Variants in ZNF646 observed in about 807,000 individuals in gnomAD.
ZNF646 encodes the protein zinc finger protein 646.
ZNF646 carries 49 observed loss-of-function variants against 115.4 expected under a neutral mutation model. The ratio of observed to expected loss-of-function variants is 0.42; its 90% CI spans 0.34 to 0.54. The LOEUF (loss-of-function observed/expected upper bound fraction) is 0.54, where lower values mean the gene tolerates loss of function less well. ZNF646 is among the 20% of genes least tolerant of loss of function. ZNF646 has a pLI of 0.04. For synonymous variants in ZNF646, 933 were observed against 939.0 expected (o/e 0.99, Z 0.12); for missense variants, 2,269 against 2,457.9 (o/e 0.92, Z 1.62).
Position 31,079,161 on chromosome 16 carries a change from G to A in ZNF646, c.2837G>A (p.Arg946Gln), listed in dbSNP as rs151285758. Residue 946 changes from arginine to glutamine, a missense_variant, in exon 2 of 3, where the codon CGG (arginine) becomes CAG (glutamine). Physicochemically the swap from Arg to Gln is conservative, Grantham distance 43. Around this residue, in one of 5 missense-constraint regions of ZNF646, gnomAD observed 852 missense variants for 900.2 expected, o/e 0.95. Transcript: ENST00000300850. This position sits in a 1 kb window ranked among gnomAD's most constrained non-coding sequence, Gnocchi z 5.5. ...SEAELLNQLQ[R>Q]EVEALDSAGY... is the part of the protein sequence containing the mutation. ...GCAGAGCTGCTGAATCAGCTGCAGC[G>A]GGAGGTGGAAGCGCTGGACAGTGCA... 69 of 1,610,130 alleles carry A rather than the reference G, an allele frequency of 4.3e-5. No homozygotes were observed. Among genetic ancestry groups the A allele is most frequent in the Non-Finnish European group, 5.1e-5 (60 of 1,177,724 alleles).
Position 31,079,573 on chromosome 16 carries a change from C to G in ZNF646, c.3249C>G (p.Val1083=). 6.2e-7 allele frequency: 1 copy of G among 1,613,396 alleles called. No individual in the cohort carries two copies. Among genetic ancestry groups the G allele is most frequent in the Non-Finnish European group, 8.5e-7 (1 of 1,180,030 alleles). The change falls in exon 2 of 3, where the codon GTC becomes GTG. Residue 1083 remains valine, a synonymous_variant. Coordinates refer to ENST00000300850, the MANE Select transcript of ZNF646 (RefSeq NM_014699.4). The surrounding 1 kb of genome is among the most constrained non-coding windows in gnomAD (Gnocchi z 5.5). ...AGACTGGAGACTTTCTCTGCCCTGT[C>G]TGCTCCCGCTGCTACCCCAACCTGG... is the stretch of plus-strand genomic sequence containing the variant. The part of the protein sequence containing the change: ...IHQTGDFLCP[V]CSRCYPNLAA...
At chr16:31,074,303 G>A (rs966122959), upstream of ZNF646, 1 of 152,450 alleles carries the variant, frequency 6.6e-6, no homozygotes, top group Non-Finnish European at 1.5e-5. Context: ...TGCAGACCTA[G>A]AACTTAGCGC....
rs1437660273 is a variant in ZNF646, at chr16:31,083,024, C to A, written c.5431C>A (p.Pro1811Thr). The A allele has an allele frequency of 1.9e-6, 3 of 1,598,870 alleles. No homozygotes were observed. The highest frequency in any genetic ancestry group is 2.6e-6 in the Non-Finnish European group (3 of 1,174,870). Reference sequence around the variant, plus strand: ...AGGGGACTTGCCATTGCCCCCTCCACCCACCCCCACGACCCCACTCCTGGA... The same window carrying A: ...AGGGGACTTGCCATTGCCCCCTCCAACCACCCCCACGACCCCACTCCTGGA... Reference protein sequence around the residue: ...GRGDLPLPPPPTPTTPLLDPS... With the variant: ...GRGDLPLPPPTTPTTPLLDPS... Residue 1811 changes from proline to threonine, a missense_variant, in exon 3 of 3, where the codon CCC (proline) becomes ACC (threonine). Pro to Thr is a conservative substitution (Grantham distance 38, BLOSUM62 -1). Around this residue, in one of 5 missense-constraint regions of ZNF646, gnomAD observed 1,062 missense variants for 1,172.8 expected, o/e 0.91. Transcript: ENST00000300850.
rs1210372265 is a variant in ZNF646, at chr16:31,083,620, A to C, written c.*528A>C. 3.3e-6 allele frequency: 5 copies of C among 1,503,506 alleles called. No individual in the cohort carries two copies. The East Asian group carries it at 9.9e-5, about 30-fold the overall frequency. 93.1% of individuals were successfully genotyped at this position (1,503,506 alleles called of 1,614,324 possible). A position where few individuals can be genotyped will look rare whatever the true frequency, so the allele number is the denominator to read the frequency against. ...GTGTCCACAGACACCCCTGTCCTGC[A>C]GGGTGGGGAGTGGGCACCTGTGGCC... is the stretch of plus-strand genomic sequence containing the variant. On this transcript the variant is annotated 3_prime_UTR_variant, in exon 3 of 3. Coordinates refer to ENST00000300850, the MANE Select transcript of ZNF646 (RefSeq NM_014699.4).
At position 31,078,394 on chromosome 16, in the gene ZNF646, G is replaced by T; in HGVS notation, c.2070G>T (p.Leu690=). Residue 690 remains leucine (L), a synonymous_variant, in exon 2 of 3, where the codon CTG becomes CTT. Coordinates refer to ENST00000300850, the MANE Select transcript of ZNF646 (RefSeq NM_014699.4). ...GCGGTGGGAGAGAAGCCAAACTCCT[G>T]GCAGCGGAGAGCTGGACCCGGGAGC... ...GASGGREAKL[L]AAESWTRELE... is the part of the protein sequence containing the mutation. The T allele has an allele frequency of 1.2e-6, 2 of 1,611,924 alleles. No individual in the cohort carries two copies. Among genetic ancestry groups the T allele is most frequent in the Non-Finnish European group, 1.7e-6 (2 of 1,178,714 alleles).
At position 31,078,092 on chromosome 16, in the gene ZNF646, C is replaced by T; in HGVS notation, c.1768C>T (p.Leu590Phe). 1 of 1,614,214 alleles carries T rather than the reference C, an allele frequency of 6.2e-7. No homozygotes were observed. Among genetic ancestry groups the T allele is most frequent in the Non-Finnish European group, 8.5e-7 (1 of 1,180,048 alleles). ...CGLLFEDAES[L>F]ERHGLTHGAG... is the part of the protein sequence containing the mutation. ...GCTGCTCTTTGAAGACGCTGAGAGC[C>T]TTGAACGTCATGGCCTGACTCATGG... The change falls in exon 2 of 3, where the codon CTT becomes TTT. Residue 590 changes from leucine (L) to phenylalanine (F), a missense_variant. By Grantham distance (22) the Leu-to-Phe change is conservative. Transcript: ENST00000300850.
In ZNF646 at chr16:31,080,378, C is replaced by T. The variant is rs150732769; in HGVS notation, c.4054C>T (p.Arg1352Trp). 268 of 1,613,186 alleles carry T rather than the reference C, an allele frequency of 1.7e-4. No homozygotes were observed. The highest frequency in any genetic ancestry group is 6.6e-4 in the Middle Eastern group (4 of 6,058). Residue 1352 changes from arginine (R) to tryptophan (W), a missense_variant, in exon 2 of 3, where the codon CGG becomes TGG. By Grantham distance (101) the Arg-to-Trp change is moderately radical (BLOSUM62 -3). Transcript: ENST00000300850. ...KDHQRLHSEN[R>W]RRRAGRSRRT... ...CCACCAGAGGCTGCACTCAGAGAAT[C>T]GGCGGCGACGGGCTGGACGGTCCAG...
At position 31,083,348 on chromosome 16, in the gene ZNF646, CAGG is replaced by C; in HGVS notation, c.*257_*259del. The C allele has an allele frequency of 1.0e-6, 1 of 998,436 alleles. No individual in the cohort carries two copies. The highest frequency in any genetic ancestry group is 1.4e-6 in the Non-Finnish European group (1 of 722,402). 61.8% of individuals were successfully genotyped at this position (998,436 alleles called of 1,614,324 possible). ...ACCCTCAGCAGCCAGATTGCAACAC[CAGG>C]GAGAGGCGGATGCAGAGCCCCACCG... On this transcript the variant is annotated 3_prime_UTR_variant, in exon 3 of 3. Coordinates refer to ENST00000300850, the MANE Select transcript of ZNF646 (RefSeq NM_014699.4).
At position 31,078,947 on chromosome 16, in the gene ZNF646, G is replaced by A. The variant is rs781380973; in HGVS notation, c.2623G>A (p.Ala875Thr). The change falls in exon 2 of 3, where the codon GCG becomes ACG. Residue 875 changes from alanine to threonine, a missense_variant. Physicochemically the swap from Ala to Thr is moderately conservative, Grantham distance 58. Transcript: ENST00000300850. The part of the protein sequence containing the change: ...SHFQNHRPGE[A>T]TSAQPFLCCL... ...CTTCCAGAACCATAGGCCTGGGGAG[G>A]CGACCTCAGCACAGCCTTTCCTCTG... The A allele has an allele frequency of 1.9e-6, 3 of 1,612,550 alleles. No homozygotes were observed. The highest frequency in any genetic ancestry group is 2.5e-6 in the Non-Finnish European group (3 of 1,179,746).
rs764385746 is a variant in ZNF646 at position 31,079,226 on chromosome 16, G to A, written c.2902G>A (p.Asp968Asn). Residue 968 changes from aspartate (D) to asparagine (N), a missense_variant, in exon 2 of 3, where the codon GAT becomes AAT. Asp to Asn is a conservative substitution (Grantham distance 23). Transcript: ENST00000300850. This position sits in a 1 kb window ranked among gnomAD's most constrained non-coding sequence, Gnocchi z 5.5. ...CTGTGGCTGCTGTGGTCAGACCTAC[G>A]ATGACCTGGGGAGCCTGGAGCGTCA... ...HICGCCGQTY[D>N]DLGSLERHHQ... 12 of 1,613,664 alleles carry A rather than the reference G, an allele frequency of 7.4e-6. No individual in the cohort carries two copies. The highest frequency in any genetic ancestry group is 1.3e-5 in the African/African-American group (1 of 75,044).
Position 31,077,723 on chromosome 16 carries a change from T to C in ZNF646, c.1399T>C (p.Cys467Arg). 6.2e-7 allele frequency: 1 copy of C among 1,614,046 alleles called. No individual in the cohort carries two copies. Among genetic ancestry groups the C allele is most frequent in the Non-Finnish European group, 8.5e-7 (1 of 1,180,002 alleles). The change falls in exon 2 of 3, where the codon TGC (cysteine) becomes CGC (arginine). Residue 467 changes from cysteine (C) to arginine (R), a missense_variant. Transcript: ENST00000300850. Reference protein sequence around the residue: ...TTTLDHRPYKCSECGRAYRHR... With the variant: ...TTTLDHRPYKRSECGRAYRHR... ...CACCCTGGACCATCGGCCCTATAAG[T>C]GCAGTGAGTGTGGTCGTGCTTACCG...
rs1183736667 is a variant in ZNF646, at chr16:31,077,290, G to A, written c.966G>A (p.Glu322=). 3.7e-6 allele frequency: 6 copies of A among 1,613,924 alleles called. No homozygotes were observed. Among genetic ancestry groups the A allele is most frequent in the Admixed American group, 1.7e-5 (1 of 60,008 alleles). The change falls in exon 2 of 3, where the codon GAG becomes GAA. Residue 322 remains glutamate (E), a synonymous_variant. Transcript: ENST00000300850. ...AGTCCCATGAGGGTGAAAGGCAGGAGCCACGCTGGGAGGAGAAAGGGATGC... is the reference window on the plus strand; with the variant it reads ...AGTCCCATGAGGGTGAAAGGCAGGAACCACGCTGGGAGGAGAAAGGGATGC... The part of the protein sequence containing the change: ...HQQSHEGERQ[E]PRWEEKGMPT...
In ZNF646 at chr16:31,078,240, A is replaced by G. The variant is rs779004300; in HGVS notation, c.1916A>G (p.His639Arg). Residue 639 changes from histidine to arginine, a missense_variant, in exon 2 of 3, where the codon CAC becomes CGC. His to Arg is a conservative substitution (Grantham distance 29, BLOSUM62 0). This residue lies in a region of ZNF646 where 852 missense variants were observed against 900.2 expected (regional missense o/e 0.95). Coordinates refer to ENST00000300850, the MANE Select transcript of ZNF646 (RefSeq NM_014699.4). Reference sequence around the variant, plus strand: ...AGCCTTATCAACCACAGGCAGACCCACCAGACAGGAGACTTCAGTTGTGGG... The same window carrying G: ...AGCCTTATCAACCACAGGCAGACCCGCCAGACAGGAGACTTCAGTTGTGGG... ...SGSLINHRQT[H>R]QTGDFSCGAC... The G allele has an allele frequency of 1.2e-6, 2 of 1,613,998 alleles. No homozygotes were observed. Among genetic ancestry groups the G allele is most frequent in the South Asian group, 1.1e-5 (1 of 91,086 alleles).
At chr16:31,074,749 CGAGAT>C (rs2057055140) in intron 1 of ZNF646, 118 bp downstream of exon 1, 1 of 152,122 alleles carries the variant, frequency 6.6e-6, no homozygotes, top group South Asian at 2.1e-4. Flanking sequence ...AATTGGCAGA[CGAGAT>C]GAGTGAGGTC....
At position 31,080,865 on chromosome 16, in the gene ZNF646, A is replaced by T. The variant is rs149448313; in HGVS notation, c.4541A>T (p.Asp1514Val). 7.8e-5 allele frequency: 126 copies of T among 1,614,080 alleles called. No individual in the cohort carries two copies. In the African/African-American group the frequency reaches 1.6e-3, roughly 20 times the overall value. Residue 1514 changes from aspartate (D) to valine (V), a missense_variant, in exon 2 of 3, where the codon GAT (aspartate) becomes GTT (valine). Physicochemically the swap from Asp to Val is radical, Grantham distance 152. Around this residue, in one of 5 missense-constraint regions of ZNF646, gnomAD observed 1,062 missense variants for 1,172.8 expected, o/e 0.91. Coordinates refer to ENST00000300850, the MANE Select transcript of ZNF646 (RefSeq NM_014699.4). ...AATGGACCTACTCTGAGTCACATGG[A>T]TAGCTGGGACAACAGAGACAACAGC... is the stretch of plus-strand genomic sequence containing the variant. ...QLNGPTLSHM[D>V]SWDNRDNSSQ...
At position 31,077,959 on chromosome 16, in the gene ZNF646, G is replaced by A; in HGVS notation, c.1635G>A (p.Glu545=). ...VELPPDPVEA[E]AAPHTDQDHV... ...TCCCGCCTGACCCAGTGGAGGCAGA[G>A]GCAGCCCCGCACACAGATCAGGACC... Residue 545 remains glutamate, a synonymous_variant, in exon 2 of 3, where the codon GAG becomes GAA. Transcript: ENST00000300850. The A allele has an allele frequency of 6.2e-7, 1 of 1,613,944 alleles. No homozygotes were observed. Among genetic ancestry groups the A allele is most frequent in the Non-Finnish European group, 8.5e-7 (1 of 1,180,048 alleles).
Position 31,079,976 on chromosome 16 carries a change from CTCA to C in ZNF646, c.3656_3658del (p.Ile1219del). 6.2e-7 allele frequency: 1 copy of C among 1,609,074 alleles called. No homozygotes were observed. Among genetic ancestry groups the C allele is most frequent in the Admixed American group, 1.7e-5 (1 of 59,908 alleles). ...CCGATCCTACAAGCACGCCGGCAGC[CTCA>C]TCAACCACCGGCAGAGCCACCAGAC... is the stretch of plus-strand genomic sequence containing the variant. On this transcript the variant is annotated inframe_deletion, in exon 2 of 3. Coordinates refer to ENST00000300850, the MANE Select transcript of ZNF646 (RefSeq NM_014699.4). The surrounding 1 kb of genome is among the most constrained non-coding windows in gnomAD (Gnocchi z 5.5).
At position 31,081,689 on chromosome 16, in the gene ZNF646, G is replaced by C; in HGVS notation, c.5365G>C (p.Val1789Leu). The change falls in exon 2 of 3, where the codon GTG becomes CTG. Residue 1789 changes from valine (V) to leucine (L), a missense_variant. By Grantham distance (32) the Val-to-Leu change is conservative. This residue lies in a region of ZNF646 where 1,062 missense variants were observed against 1,172.8 expected (regional missense o/e 0.91). Coordinates refer to ENST00000300850, the MANE Select transcript of ZNF646 (RefSeq NM_014699.4). Reference protein sequence around the residue: ...HQQQHQEEWTVAGSGAPVAPV... With the variant: ...HQQQHQEEWTLAGSGAPVAPV... ...GCAGCAGCACCAGGAGGAGTGGACGGTGGCCGGCTCCGGTAGGGGGCATGA... is the reference window on the plus strand; with the variant it reads ...GCAGCAGCACCAGGAGGAGTGGACGCTGGCCGGCTCCGGTAGGGGGCATGA... 1 of 1,588,888 alleles carries C rather than the reference G, an allele frequency of 6.3e-7. No homozygotes were observed. The highest frequency in any genetic ancestry group is 1.3e-5 in the African/African-American group (1 of 74,674).
upstream of ZNF646, chr16:31,073,817 G>A (rs1212085576): frequency 6.6e-6 from 1 of 152,274 alleles, no homozygotes; most frequent in Admixed American, 6.5e-5. Context: ...TCCTCAGCTA[G>A]GAAGGAAGGG....
Sources: allele counts gnomAD v4.1 joint callset, GRCh38; gene constraint gnomAD v4.1.1; regional missense constraint gnomAD v4.1.1; non-coding constraint Gnocchi (gnomAD v3.1); transcripts MANE v1.5; gene names NCBI Gene and HGNC (gene_info 2026-07-23, HGNC 2026-07-21).